STOX2: variants seen among roughly 807,000 people sequenced by gnomAD.
STOX2 encodes the protein storkhead box 2.
Under a neutral mutation model 60.9 loss-of-function variants are expected in STOX2, and 28 were observed. That is an observed-to-expected ratio of 0.46 (90% CI 0.34 to 0.63). The LOEUF is 0.63. Ranked by LOEUF, STOX2 falls within the 30% of genes least tolerant of loss-of-function variation. STOX2 has a pLI of 0.01. For synonymous variants in STOX2, 472 were observed against 463.9 expected (o/e 1.02, Z -0.22); for missense variants, 1,024 against 1,187.7 (o/e 0.86, Z 2.03).
intron 1 of STOX2, among the ~76,000 whole-genome samples, chr4:183,833,111 A>G (rs181350199): frequency 6.6e-6 from 1 of 152,342 alleles, no homozygotes; most frequent in East Asian, 1.9e-4. Context: ...AGTGAGTTTG[A>G]ACATTGATAC....
At chr4:183,967,259 G>A (rs1435247085) in intron 1 of STOX2, among the ~76,000 whole-genome samples, 1 of 152,080 alleles carries the variant, frequency 6.6e-6, no homozygotes, top group Non-Finnish European at 1.5e-5. Context: ...CTACTCGGGA[G>A]GCTGAGTGAG....
At chr4:183,873,466 G>T (rs1740743602) in intron 1 of STOX2, among the ~76,000 whole-genome samples, 1 of 149,306 alleles carries the variant, frequency 6.7e-6, no homozygotes, top group Admixed American at 6.7e-5. Flanking sequence ...AAAAAAAAAG[G>T]GAGGATTGGT....
chr4:183,885,226 C>T (rs1450608397), intron 1 of STOX2, among the ~76,000 whole-genome samples: 1 of 151,982 alleles, frequency 6.6e-6, no homozygotes. Flanking sequence ...TTTTTCTTCA[C>T]CTTTCATACT....
At chr4:183,972,765 A>T (rs963430434) in intron 1 of STOX2, among the ~76,000 whole-genome samples, 1 of 152,258 alleles carries the variant, frequency 6.6e-6, no homozygotes, top group African/African-American at 2.4e-5. Context: ...CATATGAAGA[A>T]TTAGGATAAT....
intron 1 of STOX2, among the ~76,000 whole-genome samples, chr4:183,835,731 C>T (rs1739693604): frequency 6.6e-6 from 1 of 152,200 alleles, no homozygotes; most frequent in Non-Finnish European, 1.5e-5. Context: ...GAGCTAGTCA[C>T]ACCTCCCTGT....
At chr4:183,945,127 T>C (rs1742851750) in intron 1 of STOX2, among the ~76,000 whole-genome samples, 1 of 152,244 alleles carries the variant, frequency 6.6e-6, no homozygotes, top group South Asian at 2.1e-4. Flanking sequence ...GGTTTCATTC[T>C]TTTCTGTAGG....
At chr4:183,928,366 A>G (rs1192268620) in intron 1 of STOX2, among the ~76,000 whole-genome samples, 1 of 152,200 alleles carries the variant, frequency 6.6e-6, no homozygotes. Flanking sequence ...AAACAGCAAA[A>G]AAACCACACA....
At chr4:183,903,110 A>G (rs139937524), upstream of STOX2, among the ~76,000 whole-genome samples, 1 of 152,298 alleles carries the variant, frequency 6.6e-6, no homozygotes, top group African/African-American at 2.4e-5. Flanking sequence ...AATTCTAAAA[A>G]TATCATTGCT....
intron 1 of STOX2, among the ~76,000 whole-genome samples, chr4:183,837,024 C>T (rs534275408): frequency 2.6e-5 from 4 of 152,236 alleles, no homozygotes; most frequent in South Asian, 2.1e-4. Context: ...GACTCATACA[C>T]GTAGCACTGT....
At chr4:183,998,887 G>T (rs1200263734) in intron 1 of STOX2, among the ~76,000 whole-genome samples, 1 of 151,930 alleles carries the variant, frequency 6.6e-6, no homozygotes, top group Non-Finnish European at 1.5e-5. Flanking sequence ...GGGCATGGTG[G>T]CTCACACCTG....
At chr4:183,816,576 G>T (rs1739159301) in intron 1 of STOX2, among the ~76,000 whole-genome samples, 1 of 152,028 alleles carries the variant, frequency 6.6e-6, no homozygotes. Context: ...GGGTTCACCA[G>T]AAGCTCAAAC....
rs558912530 is a variant in STOX2, at chr4:183,984,614, T to C, written c.167-16711T>C. On this transcript the variant is annotated intron_variant, in intron 1 of 3. Coordinates refer to ENST00000308497, the MANE Select transcript of STOX2 (RefSeq NM_020225.3). ...AATGGTATTTATTGCTGTCTGCTTT[T>C]TCAAGTGGAGCAGCTCTAAGAGCAT... 5.6e-4 allele frequency among the ~76,000 whole-genome samples: 85 copies of C among 152,358 alleles called. 1 individual carries two copies. Among genetic ancestry groups the C allele is most frequent in the African/African-American group, 2.0e-3 (83 of 41,584 alleles).
At chr4:183,822,866 T>C (rs911598297) in intron 1 of STOX2, among the ~76,000 whole-genome samples, 1 of 152,182 alleles carries the variant, frequency 6.6e-6, no homozygotes, top group African/African-American at 2.4e-5. Context: ...AGGCTGAAAT[T>C]CAGAGAGGTT....
intron 1 of STOX2, among the ~76,000 whole-genome samples, chr4:183,929,988 C>G (rs1416741783): frequency 6.6e-6 from 1 of 151,718 alleles, no homozygotes; most frequent in Non-Finnish European, 1.5e-5. Flanking sequence ...CTCAGCCTCC[C>G]GAGTAGCTGG....
rs531209822 is a variant in STOX2, at chr4:183,840,245, A to G, written c.364+42190A>G. ...TTACAAATAGACAATGTGTCTGAAA[A>G]GCTGAATTTTTGAGAGTGGATGGAT... is the stretch of plus-strand genomic sequence containing the variant. On this transcript the variant is annotated intron_variant, in intron 1 of 2. Coordinates refer to the STOX2 transcript ENST00000513034. 5.3e-5 allele frequency among the ~76,000 whole-genome samples: 8 copies of G among 152,352 alleles called. No individual in the cohort carries two copies. In the South Asian group the frequency reaches 1.7e-3, roughly 32 times the overall value.
intron 1 of STOX2, among the ~76,000 whole-genome samples, chr4:183,826,581 G>C (rs890877534): frequency 1.3e-5 from 2 of 152,224 alleles, no homozygotes; most frequent in African/African-American, 4.8e-5. Context: ...TGTCGAAAGA[G>C]CAAGAACTTG....
At chr4:183,954,496 GCC>G (rs1469564975) in intron 1 of STOX2, among the ~76,000 whole-genome samples, 1 of 151,800 alleles carries the variant, frequency 6.6e-6, no homozygotes, top group African/African-American at 2.4e-5. Flanking sequence ...CACCATGTTG[GCC>G]AGGCTAGTCT....
intron 1 of STOX2, among the ~76,000 whole-genome samples, chr4:183,831,241 T>C (rs1489307015): frequency 1.3e-5 from 2 of 152,180 alleles, no homozygotes; most frequent in African/African-American, 2.4e-5. Flanking sequence ...AAGGTTGTCC[T>C]GTACAGAACA....
Position 183,888,682 on chromosome 4 carries a change from TG to T in STOX2, c.364+90631del, listed in dbSNP as rs1355348080. ...TTCTGACTTGCTTATTTCTGGGCCC[TG>T]GGGCTTGGCAAAGCAGAAGCCAGAG... is the stretch of plus-strand genomic sequence containing the variant. On this transcript the variant is annotated intron_variant, in intron 1 of 2. Transcript: ENST00000513034. Among the ~76,000 whole-genome samples the T allele has an allele frequency of 3.3e-5, 5 of 152,102 alleles. No homozygotes were observed. In the East Asian group the frequency reaches 9.7e-4, roughly 29 times the overall value.
Sources: gnomAD v4.1 joint callset for allele counts (sites outside exome capture counted in the v4.1 genomes callset) on GRCh38, gnomAD v4.1.1 for gene constraint, MANE v1.5 for transcripts, NCBI Gene and HGNC (gene_info 2026-07-23, HGNC 2026-07-21) for gene names.